SND1: variants seen among roughly 807,000 people sequenced by gnomAD.
SND1 encodes the protein staphylococcal nuclease domain-containing protein 1.
In SND1, 38 loss-of-function variants were observed where a neutral mutation model predicts 121.7. The observed-to-expected ratio is 0.31, with a 90% CI of 0.24 to 0.41. The LOEUF (loss-of-function observed/expected upper bound fraction) is 0.41. Among genes scored for constraint, SND1 ranks in the 10% least tolerant of loss-of-function variants. The pLI is 1.00. For synonymous variants in SND1, 401 were observed against 447.4 expected (o/e 0.90, Z 1.31); for missense variants, 868 against 1,184.6 (o/e 0.73, Z 3.92).
intron 14 of SND1, among the ~76,000 whole-genome samples, chr7:127,909,949 A>G (rs920979144): frequency 2.0e-5 from 3 of 152,196 alleles, no homozygotes; most frequent in African/African-American, 7.2e-5. Context: ...AGATTGGTAG[A>G]CAGGGTTGGA....
intron 22 of SND1, among the ~76,000 whole-genome samples, chr7:128,090,232 T>A (rs1793754860): frequency 6.6e-6 from 1 of 152,202 alleles, no homozygotes; most frequent in Non-Finnish European, 1.5e-5. Flanking sequence ...TCCCTGCTTA[T>A]GAAGTGAGGG....
At chr7:127,712,879 C>T (rs75333816) in intron 9 of SND1, among the ~76,000 whole-genome samples, 38 of 152,230 alleles carry the variant, frequency 2.5e-4, no homozygotes, top group African/African-American at 9.2e-4. Context: ...ATATTTTTGA[C>T]CAGTCTCTAA....
chr7:127,672,162 T>A (rs75614484), intron 1 of SND1, among the ~76,000 whole-genome samples: 1 of 148,756 alleles, frequency 6.7e-6, no homozygotes, highest in Non-Finnish European at 1.5e-5. Context: ...ATCTTCCGTA[T>A]TTTTTTTTTC....
At chr7:127,736,746 C>G (rs1796783004) in intron 10 of SND1, among the ~76,000 whole-genome samples, 1 of 152,130 alleles carries the variant, frequency 6.6e-6, no homozygotes, top group South Asian at 2.1e-4. Context: ...TGTTTTGTTG[C>G]CAGAATGCCC....
chr7:127,876,890 A>G (rs1456792925), intron 12 of SND1, among the ~76,000 whole-genome samples: 3 of 152,118 alleles, frequency 2.0e-5, no homozygotes, highest in Admixed American at 6.6e-5. Context: ...GTTTCTTTCT[A>G]TTGAACAGGT....
intron 16 of SND1, among the ~76,000 whole-genome samples, chr7:128,055,106 T>G (rs983845901): frequency 4.6e-5 from 7 of 152,210 alleles, no homozygotes; most frequent in Non-Finnish European, 7.3e-5. Flanking sequence ...TTCGTGGTTT[T>G]GTTTTGTTTT....
chr7:127,818,558 T>G (rs890066719), intron 11 of SND1, among the ~76,000 whole-genome samples: 2 of 152,196 alleles, frequency 1.3e-5, no homozygotes, highest in African/African-American at 2.4e-5. Context: ...TTCTTAATGT[T>G]CCTATTCCCC....
At chr7:127,812,616 G>C (rs530137125) in intron 11 of SND1, among the ~76,000 whole-genome samples, 9 of 152,294 alleles carry the variant, frequency 5.9e-5, no homozygotes, top group African/African-American at 1.7e-4. Context: ...AAGTTGAGGG[G>C]CACTGTAGGT....
intron 13 of SND1, among the ~76,000 whole-genome samples, chr7:127,900,886 G>A (rs763780767): frequency 7.9e-5 from 12 of 152,202 alleles, no homozygotes; most frequent in Non-Finnish European, 1.8e-4. Context: ...GCTATGTTCT[G>A]CCCCACTGTT....
At chr7:128,035,313 C>T (rs1156466276) in intron 16 of SND1, among the ~76,000 whole-genome samples, 2 of 152,210 alleles carry the variant, frequency 1.3e-5, no homozygotes, top group African/African-American at 2.4e-5. Context: ...AAGGTTGATC[C>T]TTTGGAATTG....
At chr7:128,001,976 A>C (rs776498721) in intron 16 of SND1, among the ~76,000 whole-genome samples, 3 of 152,192 alleles carry the variant, frequency 2.0e-5, no homozygotes, top group Non-Finnish European at 4.4e-5. Context: ...GCTTAACTGA[A>C]ATTTAGGACT....
intron 15 of SND1, among the ~76,000 whole-genome samples, chr7:127,959,002 A>G (rs1352198527): frequency 6.6e-6 from 1 of 152,180 alleles, no homozygotes; most frequent in East Asian, 1.9e-4. Flanking sequence ...CCAATTAATA[A>G]AAATGAACAC....
intron 12 of SND1, among the ~76,000 whole-genome samples, chr7:127,884,167 AT>A (rs200636391): frequency 6.6e-6 from 1 of 150,886 alleles, no homozygotes; most frequent in East Asian, 2.0e-4. Flanking sequence ...CATGTCTCCT[AT>A]TTTTTTTTGA....
At chr7:127,788,179 C>CT (rs1014310209) in intron 10 of SND1, among the ~76,000 whole-genome samples, 6 of 152,088 alleles carry the variant, frequency 3.9e-5, no homozygotes, top group Non-Finnish European at 8.8e-5. Context: ...CTTTCTCTCT[C>CT]TTTTTTTAAA....
chr7:127,992,646 C>T lies in SND1; in HGVS notation c.1779+1590C>T, dbSNP rs549673283. On this transcript the variant is annotated intron_variant, in intron 16 of 23. Coordinates refer to ENST00000354725, the MANE Select transcript of SND1 (RefSeq NM_014390.4). The stretch of plus-strand genomic sequence containing the variant: ...TTTACTGTCTAAGTCAAATTTCTCA[C>T]CATCATTGTCTTCCTACTGTTTCAC... 3.9e-5 allele frequency among the ~76,000 whole-genome samples: 6 copies of T among 152,298 alleles called. No individual in the cohort carries two copies. The East Asian group carries it at 1.2e-3, about 29-fold the overall frequency.
At chr7:128,037,899 T>C (rs1173239939) in intron 16 of SND1, among the ~76,000 whole-genome samples, 1 of 152,244 alleles carries the variant, frequency 6.6e-6, no homozygotes, top group Non-Finnish European at 1.5e-5. Flanking sequence ...CCCAAAGATA[T>C]TGGAACACTT....
chr7:128,024,467 CCCT>C (rs1378327111), intron 16 of SND1, among the ~76,000 whole-genome samples: 4 of 152,196 alleles, frequency 2.6e-5, no homozygotes, highest in African/African-American at 4.8e-5. Flanking sequence ...GGCCCTGGCC[CCCT>C]GAGGTAGAAG....
At chr7:128,071,968 T>C (rs1453002718) in intron 16 of SND1, among the ~76,000 whole-genome samples, 3 of 152,188 alleles carry the variant, frequency 2.0e-5, no homozygotes, top group Non-Finnish European at 4.4e-5. Context: ...GGCGACAGGC[T>C]GGTTAAGTGT....
In SND1 at chr7:127,806,371, A is replaced by G. The variant is rs553566472; in HGVS notation, c.1153-1113A>G. 1.1e-4 allele frequency among the ~76,000 whole-genome samples: 16 copies of G among 152,232 alleles called. No individual in the cohort carries two copies. In the South Asian group the frequency reaches 2.7e-3, roughly 26 times the overall value. On this transcript the variant is annotated intron_variant, in intron 10 of 23. Coordinates refer to ENST00000354725, the MANE Select transcript of SND1 (RefSeq NM_014390.4). ...TCATCTAGATAGACCCTCTTATATCATCTAAAAATGGCATTGCTTAGAATA... is the reference window on the plus strand; with the variant it reads ...TCATCTAGATAGACCCTCTTATATCGTCTAAAAATGGCATTGCTTAGAATA...
Sources: gnomAD v4.1 joint callset for allele counts (sites outside exome capture counted in the v4.1 genomes callset) on GRCh38, gnomAD v4.1.1 for gene constraint, MANE v1.5 for transcripts, NCBI Gene and HGNC (gene_info 2026-07-23, HGNC 2026-07-21) for gene names.